MDN1: variants seen among roughly 807,000 people sequenced by gnomAD.
The protein encoded by MDN1 is midasin.
In MDN1, 266 loss-of-function variants were observed where a neutral mutation model predicts 669.2. The observed-to-expected ratio is 0.40, with a 90% confidence interval of 0.36 to 0.44. The LOEUF is 0.44. MDN1 is among the 20% of genes least tolerant of loss of function. The pLI, the probability that MDN1 is intolerant of heterozygous loss-of-function variation, is 1.00. For missense variants in MDN1, 5,940 were observed against 6,754.0 expected (o/e 0.88, Z 4.22); for synonymous variants, 2,385 against 2,457.1 (o/e 0.97, Z 0.87).
intron 46 of MDN1, among the ~76,000 whole-genome samples, chr6:89,713,878 T>TA (rs901524313): frequency 1.6e-4 from 24 of 147,462 alleles, no homozygotes; most frequent in South Asian, 8.6e-4. Context: ...CTACTAAAAA[T>TA]AAAAAAAAAA....
chr6:89,787,806 AC>A, intron 8 of MDN1, 47 bp downstream of exon 8: 1 of 1,436,470 alleles, frequency 7.0e-7, no homozygotes, highest in Non-Finnish European at 9.7e-7. Flanking sequence ...ATGCAGACTT[AC>A]GAGTAAGTGG....
intron 1 of MDN1, among the ~76,000 whole-genome samples, chr6:89,807,715 T>C (rs1232670908): frequency 6.6e-6 from 1 of 152,216 alleles, no homozygotes; most frequent in Non-Finnish European, 1.5e-5. Context: ...AGTAGACTAG[T>C]TGATAATGCC....
intron 65 of MDN1, 63 bp from the exon 66 acceptor site, chr6:89,688,871 A>T (rs1229892591): frequency 7.2e-7 from 1 of 1,395,164 alleles, no homozygotes; most frequent in Admixed American, 1.8e-5. Context: ...AACATGTCAA[A>T]AAGATGTCAG....
chr6:89,733,011 G>A (rs1180326644), intron 33 of MDN1, among the ~76,000 whole-genome samples: 6 of 152,046 alleles, frequency 3.9e-5, no homozygotes, highest in African/African-American at 1.2e-4. Context: ...ACAAAACCTT[G>A]GGAGTTATAG....
chr6:89,789,547 T>C (rs1819142392), intron 7 of MDN1, among the ~76,000 whole-genome samples: 1 of 152,152 alleles, frequency 6.6e-6, no homozygotes, highest in South Asian at 2.1e-4. Context: ...ATTCAACTAC[T>C]ATAGGAAACA....
At position 89,778,628 on chromosome 6, in the gene MDN1, T is replaced by C. The variant is rs564591999; in HGVS notation, c.1725+1584A>G. ...GACTGGGCGCAGTGGCTCACACCTG[T>C]AATACCAGCACTTTGGGAGGCTGAG... On this transcript the variant is annotated intron_variant, in intron 11 of 101. Coordinates refer to ENST00000369393, the MANE Select transcript of MDN1 (RefSeq NM_014611.3). Among the ~76,000 whole-genome samples, 3 of 152,098 alleles carry C rather than the reference T, an allele frequency of 2.0e-5. No individual in the cohort carries two copies. The South Asian group carries it at 6.2e-4, about 32-fold the overall frequency.
intron 28 of MDN1, 30 bp from the exon 29 acceptor site, chr6:89,745,441 C>T (rs1204627234): frequency 2.5e-6 from 4 of 1,613,718 alleles, no homozygotes; most frequent in African/African-American, 1.3e-5. Flanking sequence ...TATTTAGATT[C>T]TAATGAGTAC....
chr6:89,776,523 G>C (rs1047384160), intron 12 of MDN1, 77 bp downstream of exon 12: 25 of 1,076,086 alleles, frequency 2.3e-5, no homozygotes, highest in Middle Eastern at 4.1e-4. Flanking sequence ...TCCAACTAAG[G>C]ACTAGAGACC....
intron 72 of MDN1, among the ~76,000 whole-genome samples, 174 bp downstream of exon 72, chr6:89,683,657 T>A (rs189946857): frequency 3.9e-5 from 6 of 152,010 alleles, no homozygotes; most frequent in African/African-American, 1.4e-4. Flanking sequence ...TAGACTTTGC[T>A]TGGAGAAGAA....
chr6:89,658,081 T>C (rs1809452214), intron 90 of MDN1, 128 bp downstream of exon 90: 2 of 1,134,646 alleles, frequency 1.8e-6, no homozygotes, highest in African/African-American at 1.5e-5. Flanking sequence ...CTGTTAGATG[T>C]CAACAACAAA....
chr6:89,685,927 T>C lies in MDN1; in HGVS notation c.11619A>G (p.Ala3873=). ...TLMLLVSTLQ[A]FIEGSSLGEF... is the part of the protein sequence containing the mutation. ...CTCCCAGCGAGGATCCTTCAATAAA[T>C]GCTTGTAATGTGCTGACCAGCAACA... is the stretch of plus-strand genomic sequence containing the variant. Residue 3873 remains alanine (A), a synonymous_variant, in exon 70 of 102, where the codon GCA becomes GCG. Transcript: ENST00000369393. The C allele has an allele frequency of 6.2e-7, 1 of 1,614,158 alleles. No homozygotes were observed. Among genetic ancestry groups the C allele is most frequent in the Non-Finnish European group, 8.5e-7 (1 of 1,180,026 alleles).
Position 89,700,698 on chromosome 6 carries a change from C to T in MDN1, c.8586G>A (p.Leu2862=). Residue 2862 remains leucine, a synonymous_variant, in exon 56 of 102, where the codon CTG becomes CTA. Transcript: ENST00000369393. ...CTCTGAGGATCAGTCCCCAGGCTTG[C>T]AGGAGACTTTTCTTTAATGTCCACT... ...ASQWTLKKSL[L]QAWGLILRAN... is the part of the protein sequence containing the mutation. 1 of 1,614,196 alleles carries T rather than the reference C, an allele frequency of 6.2e-7. No homozygotes were observed. Among genetic ancestry groups the T allele is most frequent in the Non-Finnish European group, 8.5e-7 (1 of 1,180,034 alleles).
chr6:89,644,867 C>T (rs562930350), intron 101 of MDN1, 148 bp downstream of exon 101: 6 of 789,412 alleles, frequency 7.6e-6, no homozygotes, highest in Non-Finnish European at 1.1e-5. Context: ...AAAATACTTA[C>T]AAGTGCCTAC....
In MDN1 at chr6:89,683,291, C is replaced by G; in HGVS notation, c.11943G>C (p.Leu3981=). The stretch of plus-strand genomic sequence containing the variant: ...CCAGGGATGACCGGCAGGGTTCACT[C>G]AGGACTGCTTCAAATTTCTTCATGA... ...FKFMKKFEAV[L]SEPCRSSLVE... The change falls in exon 73 of 102, where the codon CTG becomes CTC. Residue 3981 remains leucine, a synonymous_variant. Coordinates refer to ENST00000369393, the MANE Select transcript of MDN1 (RefSeq NM_014611.3). 1 of 1,614,198 alleles carries G rather than the reference C, an allele frequency of 6.2e-7. No individual in the cohort carries two copies. Among genetic ancestry groups the G allele is most frequent in the Non-Finnish European group, 8.5e-7 (1 of 1,180,044 alleles).
chr6:89,746,650 A>AG (rs1816651450), intron 27 of MDN1, among the ~76,000 whole-genome samples: 5 of 151,162 alleles, frequency 3.3e-5, no homozygotes, highest in Admixed American at 2.0e-4. Context: ...AAAGAAAGAA[A>AG]AAAAGTTTTT....
chr6:89,706,329 G>T, intron 52 of MDN1, 137 bp from the exon 53 acceptor site: 2 of 858,320 alleles, frequency 2.3e-6, no homozygotes, highest in South Asian at 5.7e-5. Context: ...AAAAGCAAAA[G>T]CAAATTCTTT....
rs991726850 is a variant in MDN1 at position 89,654,504 on chromosome 6, T to C, written c.15491-170A>G. Among the ~76,000 whole-genome samples the C allele has an allele frequency of 3.9e-5, 6 of 152,290 alleles. No individual in the cohort carries two copies. The South Asian group carries it at 6.2e-4, about 16-fold the overall frequency. ...ACTTGTCTGTGCACAAGATTTCCTA[T>C]TGACCTATTGACATAATGAACTGCC... On this transcript the variant is annotated intron_variant, in intron 92 of 101. Coordinates refer to ENST00000369393, the MANE Select transcript of MDN1 (RefSeq NM_014611.3).
rs761213985 is a variant in MDN1, at chr6:89,776,709, C to A, written c.1726-14G>T. On this transcript the variant is annotated splice_polypyrimidine_tract_variant and intron_variant, in intron 11 of 101. Transcript: ENST00000369393. The stretch of plus-strand genomic sequence containing the variant: ...ACAGTCTAGAGCCTATTAAAATAAC[C>A]AAGGTAAATGCTGACTGATTTTTAA... 6.5e-7 allele frequency: 1 copy of A among 1,534,754 alleles called. No homozygotes were observed. The highest frequency in any genetic ancestry group is 8.9e-7 in the Non-Finnish European group (1 of 1,125,694).
In MDN1 at chr6:89,716,744, G is replaced by C. The variant is rs890947440; in HGVS notation, c.6649C>G (p.His2217Asp). 1 of 1,613,954 alleles carries C rather than the reference G, an allele frequency of 6.2e-7. No homozygotes were observed. Among genetic ancestry groups the C allele is most frequent in the Non-Finnish European group, 8.5e-7 (1 of 1,179,918 alleles). Residue 2217 changes from histidine to aspartate, a missense_variant, in exon 44 of 102, where the codon CAT becomes GAT. Physicochemically the swap from His to Asp is moderately conservative, Grantham distance 81 (BLOSUM62 -1). Transcript: ENST00000369393. ...GVKLTQLASG[H>D]SHGTFEWVDS... ...ACCCATTCAAATGTGCCATGGCTATGGCCACTGGCCAACTGCGTAAGCTTC... is the reference window on the plus strand; with the variant it reads ...ACCCATTCAAATGTGCCATGGCTATCGCCACTGGCCAACTGCGTAAGCTTC...
Sources: allele counts gnomAD v4.1 joint callset (sites outside exome capture counted in the v4.1 genomes callset), GRCh38; gene constraint gnomAD v4.1.1; transcripts MANE v1.5; gene names NCBI Gene and HGNC (gene_info 2026-07-23, HGNC 2026-07-21).